Variants in SFSWAP observed in about 807,000 individuals in gnomAD.
SFSWAP encodes the protein splicing factor, suppressor of white-apricot homolog.
SFSWAP carries 17 observed loss-of-function variants against 100.7 expected under a neutral mutation model. The observed-to-expected ratio is 0.17, with a 90% CI of 0.12 to 0.25. The LOEUF is 0.25. Ranked by LOEUF, SFSWAP falls within the 10% of genes least tolerant of loss-of-function variation. The pLI is 1.00. For synonymous variants in SFSWAP, 504 were observed against 510.1 expected (o/e 0.99, Z 0.16); for missense variants, 1,005 against 1,262.6 (o/e 0.80, Z 3.09).
intron 9 of SFSWAP, 60 bp downstream of exon 9, chr12:131,754,559 T>C: frequency 7.6e-7 from 1 of 1,314,678 alleles, no homozygotes; most frequent in Non-Finnish European, 1.0e-6. Context: ...TTTAGCCTTT[T>C]TTTAAAAAAA....
chr12:131,785,127 A>C (rs1025264723), intron 14 of SFSWAP: 1 of 1,535,674 alleles, frequency 6.5e-7, no homozygotes, highest in Non-Finnish European at 8.7e-7. Context: ...GCAGCGCGTC[A>C]GTGACAGCGG....
At chr12:131,722,655 A>ATTT (rs1878589658) in intron 4 of SFSWAP, among the ~76,000 whole-genome samples, 1 of 152,098 alleles carries the variant, frequency 6.6e-6, no homozygotes, top group Non-Finnish European at 1.5e-5. Context: ...AATACTCAAA[A>ATTT]TAATTTTACA....
In SFSWAP at chr12:131,725,041, C is replaced by A. The variant is rs553375507; in HGVS notation, c.607-364C>A. On this transcript the variant is annotated intron_variant, in intron 4 of 17. Transcript: ENST00000261674. The surrounding 1 kb of genome is among the most constrained non-coding windows in gnomAD (Gnocchi z 4.3). The stretch of plus-strand genomic sequence containing the variant: ...TTGAGAACCATGGAATGTATACCCT[C>A]TCCCTAGAAAAGTGCTTGTTTGTAA... Among the ~76,000 whole-genome samples, 18 of 152,336 alleles carry A rather than the reference C, an allele frequency of 1.2e-4. No homozygotes were observed. Among genetic ancestry groups the A allele is most frequent in the East Asian group, 7.7e-4 (4 of 5,188 alleles).
rs1199609719 is a variant in SFSWAP, at chr12:131,714,776, C to T, written c.389-46C>T. 1 of 1,563,238 alleles carries T rather than the reference C, an allele frequency of 6.4e-7. No homozygotes were observed. The highest frequency in any genetic ancestry group is 8.8e-7 in the Non-Finnish European group (1 of 1,137,330). ...CTTTAGAAATATATAAAGTTTTTCTCAGTAATTTTCTATTTTTGTTGATAA... is the reference window on the plus strand; with the variant it reads ...CTTTAGAAATATATAAAGTTTTTCTTAGTAATTTTCTATTTTTGTTGATAA... On this transcript the variant is annotated intron_variant, in intron 2 of 17. Coordinates refer to ENST00000261674, the MANE Select transcript of SFSWAP (RefSeq NM_004592.4). The surrounding 1 kb of genome is among the most constrained non-coding windows in gnomAD (Gnocchi z 6.0).
intron 13 of SFSWAP, among the ~76,000 whole-genome samples, chr12:131,777,637 A>C: frequency 6.6e-6 from 1 of 152,242 alleles, no homozygotes; most frequent in Non-Finnish European, 1.5e-5. Context: ...AGCATGATTT[A>C]CAATCCTTTG....
chr12:131,796,362 C>T (rs1885678153), intron 15 of SFSWAP: 1 of 152,426 alleles, frequency 6.6e-6, no homozygotes, highest in Admixed American at 6.5e-5. Context: ...GGGTCGGCCT[C>T]TCCAGGCAGG....
chr12:131,764,416 C>T (rs1882942782), intron 11 of SFSWAP, 40 bp from the exon 12 acceptor site: 4 of 1,549,622 alleles, frequency 2.6e-6, no homozygotes, highest in Middle Eastern at 1.7e-4. Context: ...AAGATTTCCA[C>T]TCTGTAACAT....
chr12:131,748,182 A>G (rs987190255), intron 7 of SFSWAP, among the ~76,000 whole-genome samples: 2 of 151,128 alleles, frequency 1.3e-5, no homozygotes, highest in Non-Finnish European at 1.5e-5. Flanking sequence ...CAGAATATCT[A>G]TACTTATCTC....
chr12:131,755,985 C>A (rs1882120920), intron 10 of SFSWAP, among the ~76,000 whole-genome samples: 1 of 152,226 alleles, frequency 6.6e-6, no homozygotes, highest in Admixed American at 6.5e-5. Flanking sequence ...TCCTACAGCC[C>A]CCTCTTCTGC....
At chr12:131,785,075 T>C in intron 14 of SFSWAP, 2 of 1,533,892 alleles carry the variant, frequency 1.3e-6, no homozygotes, top group Non-Finnish European at 1.7e-6. Flanking sequence ...TGTCACAGAG[T>C]CACAGCCTCC....
In SFSWAP at chr12:131,714,703, A is replaced by G. The variant is rs968262046; in HGVS notation, c.389-119A>G. On this transcript the variant is annotated intron_variant, in intron 2 of 17. Coordinates refer to ENST00000261674, the MANE Select transcript of SFSWAP (RefSeq NM_004592.4). This position sits in a 1 kb window ranked among gnomAD's most constrained non-coding sequence, Gnocchi z 6.0. Reference sequence around the variant, plus strand: ...TGAATTTTTAAAACTATTTTACCTCAAAAGTAGGTTGAAAAAAGTATGTTG... The same window carrying G: ...TGAATTTTTAAAACTATTTTACCTCGAAAGTAGGTTGAAAAAAGTATGTTG... 3 of 884,824 alleles carry G rather than the reference A, an allele frequency of 3.4e-6. No individual in the cohort carries two copies. Among genetic ancestry groups the G allele is most frequent in the Non-Finnish European group, 5.2e-6 (3 of 579,616 alleles). The allele number at this position is 884,824 out of a possible 1,614,324, so 54.8% of individuals were successfully genotyped here.
chr12:131,776,586 A>C (rs2136252996), intron 13 of SFSWAP, among the ~76,000 whole-genome samples: 1 of 152,298 alleles, frequency 6.6e-6, no homozygotes, highest in South Asian at 2.1e-4. Flanking sequence ...CAGCGGACCT[A>C]AGGAGAGGAA....
chr12:131,725,900 G>A lies in SFSWAP; in HGVS notation c.832+270G>A, dbSNP rs574844400. Among the ~76,000 whole-genome samples the A allele has an allele frequency of 6.6e-6, 1 of 152,234 alleles. No homozygotes were observed. Among genetic ancestry groups the A allele is most frequent in the South Asian group, 2.1e-4 (1 of 4,810 alleles). On this transcript the variant is annotated intron_variant, in intron 5 of 17. Transcript: ENST00000261674. The surrounding 1 kb of genome is among the most constrained non-coding windows in gnomAD (Gnocchi z 4.3). The stretch of plus-strand genomic sequence containing the variant: ...ATGCTGTCAGAACATAATCATCTGG[G>A]TGGGAAATTTTTGCCCTCATTTTGC...
At chr12:131,748,893 C>T (rs2136218159) in intron 7 of SFSWAP, among the ~76,000 whole-genome samples, 1 of 152,286 alleles carries the variant, frequency 6.6e-6, no homozygotes, top group South Asian at 2.1e-4. Context: ...ATTAGAGTAA[C>T]ATTACGTCAG....
intron 15 of SFSWAP, among the ~76,000 whole-genome samples, chr12:131,788,552 G>T (rs1157078789): frequency 6.6e-6 from 1 of 151,612 alleles, no homozygotes; most frequent in African/African-American, 2.4e-5. Context: ...TTGAGACAGG[G>T]TCTCACCCTG....
intron 7 of SFSWAP, among the ~76,000 whole-genome samples, chr12:131,751,487 A>G (rs1029357319): frequency 6.6e-6 from 1 of 152,184 alleles, no homozygotes; most frequent in Non-Finnish European, 1.5e-5. Flanking sequence ...AGAGCTAAGC[A>G]CACACTGGGC....
At chr12:131,732,012 C>T (rs954697394) in intron 7 of SFSWAP, among the ~76,000 whole-genome samples, 12 of 143,006 alleles carry the variant, frequency 8.4e-5, no homozygotes, top group Admixed American at 6.9e-4. Flanking sequence ...TGGGTTCAAG[C>T]GAGTCTCCTG....
At chr12:131,771,211 TC>T (rs1399178198) in intron 13 of SFSWAP, among the ~76,000 whole-genome samples, 7 of 152,226 alleles carry the variant, frequency 4.6e-5, no homozygotes, top group African/African-American at 1.7e-4. Flanking sequence ...TAGAGATCCT[TC>T]TGTTATCAAT....
chr12:131,742,357 T>G (rs528760742), intron 7 of SFSWAP, among the ~76,000 whole-genome samples: 1 of 152,292 alleles, frequency 6.6e-6, no homozygotes, highest in South Asian at 2.1e-4. Flanking sequence ...CATTAAAAAT[T>G]GAAAGCTTTT....
Sources: allele counts gnomAD v4.1 joint callset (sites outside exome capture counted in the v4.1 genomes callset), GRCh38; gene constraint gnomAD v4.1.1; non-coding constraint Gnocchi (gnomAD v3.1); transcripts MANE v1.5; gene names NCBI Gene and HGNC (gene_info 2026-07-23, HGNC 2026-07-21).